BNIP5: variants seen among roughly 807,000 people sequenced by gnomAD.
BNIP5 encodes protein BNIP5.
A neutral mutation model predicts 67.3 loss-of-function variants in BNIP5; 61 were observed. That is an observed-to-expected ratio of 0.91 (90% CI 0.74 to 1.12). The LOEUF (loss-of-function observed/expected upper bound fraction) is 1.12. Ranked by LOEUF, BNIP5 falls within the 50% of genes most tolerant of loss-of-function variation. BNIP5 has a pLI of 0.00. For missense variants in BNIP5, 826 were observed against 816.3 expected, an observed-to-expected ratio of 1.01 and a Z score of -0.14; for synonymous variants, 317 against 319.0, an observed-to-expected ratio of 0.99 and a Z score of 0.07.
intron 9 of BNIP5, 139 bp downstream of exon 9, chr6:36,322,172 C>T (rs144675082): frequency 6.5e-6 from 7 of 1,082,546 alleles, no homozygotes; most frequent in African/African-American, 4.6e-5. Context: ...CCCCCTGCCC[C>T]ATCCTAGAGT....
intron 11 of BNIP5, among the ~76,000 whole-genome samples, chr6:36,317,633 T>C (rs1455516265): frequency 6.6e-6 from 1 of 152,188 alleles, no homozygotes; most frequent in Non-Finnish European, 1.5e-5. Context: ...AGGACCTACT[T>C]GCTTCATGGG....
In BNIP5 at chr6:36,319,551, G is replaced by A. The variant is rs1371438878; in HGVS notation, c.1728C>T (p.Ser576=). Residue 576 remains serine, a synonymous_variant, in exon 11 of 12, where the codon AGC becomes AGT. Coordinates refer to ENST00000437635, the MANE Select transcript of BNIP5 (RefSeq NM_001010903.5). ...FFYEFSDSSL[S]KLVATLRSQV... ...GGCTGCGCAGGGTGGCTACCAGCTT[G>A]CTGAGGGAGGAGTCCGAGAACTCGT... 1 of 1,614,156 alleles carries A rather than the reference G, an allele frequency of 6.2e-7. No homozygotes were observed. Among genetic ancestry groups the A allele is most frequent in the Non-Finnish European group, 8.5e-7 (1 of 1,180,008 alleles).
Position 36,316,730 on chromosome 6 carries a change from C to T in BNIP5, c.*626G>A, listed in dbSNP as rs560980333. The T allele has an allele frequency of 2.0e-5, 8 of 398,768 alleles. No individual in the cohort carries two copies. Among genetic ancestry groups the T allele is most frequent in the Non-Finnish European group, 3.5e-5 (8 of 226,192 alleles). The allele number at this position is 398,768 out of a possible 1,614,324, so 24.7% of individuals were successfully genotyped here. A position where few individuals can be genotyped will look rare whatever the true frequency, so the allele number is the denominator to read the frequency against. The stretch of plus-strand genomic sequence containing the variant: ...TGGGAGAGGTGCAAGGTATCAGCTC[C>T]ATTTCTCTAGTCATAGAATGACAGG... On this transcript the variant is annotated 3_prime_UTR_variant, in exon 12 of 12. Transcript: ENST00000437635.
rs757846264 is a variant in BNIP5, at chr6:36,330,307, A to G, written c.384T>C (p.Gly128=). Residue 128 remains glycine (G), a synonymous_variant, in exon 2 of 12, where the codon GGT becomes GGC. Transcript: ENST00000437635. ...KASRRPRGKE[G]ISQHPEPLEA... ...CCAGGGGCTCCGGATGCTGGGAGATACCCTCCTTCCCCCTTGGCCTCCTGC... is the reference window on the plus strand; with the variant it reads ...CCAGGGGCTCCGGATGCTGGGAGATGCCCTCCTTCCCCCTTGGCCTCCTGC... 3 of 1,613,230 alleles carry G rather than the reference A, an allele frequency of 1.9e-6. No homozygotes were observed. Among genetic ancestry groups the G allele is most frequent in the Admixed American group, 3.3e-5 (2 of 59,956 alleles).
intron 1 of BNIP5, among the ~76,000 whole-genome samples, chr6:36,335,501 T>G (rs1459724929): frequency 1.3e-5 from 2 of 152,072 alleles, no homozygotes; most frequent in Non-Finnish European, 2.9e-5. Flanking sequence ...CTGTCCCAAG[T>G]GTAAGGGAAT....
At chr6:36,328,517 T>A (rs1771812649) in intron 3 of BNIP5, 81 bp downstream of exon 3, 3 of 859,638 alleles carry the variant, frequency 3.5e-6, no homozygotes. Flanking sequence ...AAGGTCTCAG[T>A]AATCATTCAG....
Position 36,316,421 on chromosome 6 carries a change from T to C in BNIP5, c.*935A>G, listed in dbSNP as rs137887847. 627 of 398,048 alleles carry C rather than the reference T, an allele frequency of 1.6e-3. 1 individual carries two copies. Among genetic ancestry groups the C allele is most frequent in the Non-Finnish European group, 1.9e-3 (432 of 226,052 alleles). 24.7% of individuals were successfully genotyped at this position (398,048 alleles called of 1,614,324 possible). Reference sequence around the variant, plus strand: ...TTCACCTTTGTGCAAATACAAAAAATAGCCCTTTTCTCAAGACATGTTACT... The same window carrying C: ...TTCACCTTTGTGCAAATACAAAAAACAGCCCTTTTCTCAAGACATGTTACT... On this transcript the variant is annotated 3_prime_UTR_variant, in exon 12 of 12. Transcript: ENST00000437635.
In BNIP5 at chr6:36,321,145, T is replaced by C. The variant is rs1582123069; in HGVS notation, c.1668+10A>G. 3 of 1,574,846 alleles carry C rather than the reference T, an allele frequency of 1.9e-6. No homozygotes were observed. In the East Asian group the frequency reaches 7.0e-5, roughly 36 times the overall value. On this transcript the variant is annotated intron_variant, in intron 10 of 11. Transcript: ENST00000437635. ...TGGGGTTGGCCTGGGGAGGGCTGAG[T>C]GGTACTCACCTGCTGCCCCAGTTGG... is the stretch of plus-strand genomic sequence containing the variant.
intron 1 of BNIP5, among the ~76,000 whole-genome samples, chr6:36,333,428 C>T (rs73406941): frequency 0.022 from 3,317 of 152,298 alleles, 95 homozygotes; most frequent in African/African-American, 0.065. Flanking sequence ...CTGAAAGGCT[C>T]AGAGACTGGC....
chr6:36,321,310 T>A (rs1363758455), intron 9 of BNIP5, 91 bp from the exon 10 acceptor site: 1 of 865,918 alleles, frequency 1.2e-6, no homozygotes, highest in Non-Finnish European at 1.9e-6. Flanking sequence ...TACATCCACC[T>A]GTGAAAGACA....
At chr6:36,330,959 T>C (rs889818172) in intron 1 of BNIP5, among the ~76,000 whole-genome samples, 1 of 152,150 alleles carries the variant, frequency 6.6e-6, no homozygotes, top group African/African-American at 2.4e-5. Context: ...AGATGGGGTT[T>C]CACCGTGTTG....
At chr6:36,323,185 A>G in intron 8 of BNIP5, 108 bp downstream of exon 8, 2 of 1,446,776 alleles carry the variant, frequency 1.4e-6, no homozygotes, top group Non-Finnish European at 1.9e-6. Flanking sequence ...GGCTTTCAGC[A>G]ACAGTGGACA....
At position 36,330,691 on chromosome 6, in the gene BNIP5, C is replaced by A; in HGVS notation, c.-1G>T. ...TCCTTGGGCACCTTGGATTCTCCAT[C>A]GGGCTGCAACCAAAACACACAGCTC... On this transcript the variant is annotated 5_prime_UTR_variant, in exon 2 of 12. Transcript: ENST00000437635. 1 of 1,552,398 alleles carries A rather than the reference C, an allele frequency of 6.4e-7. No homozygotes were observed. The highest frequency in any genetic ancestry group is 2.0e-5 in the Admixed American group (1 of 49,416).
intron 3 of BNIP5, among the ~76,000 whole-genome samples, chr6:36,327,840 T>TC (rs1771799342): frequency 6.6e-6 from 1 of 150,384 alleles, no homozygotes; most frequent in African/African-American, 2.4e-5. Flanking sequence ...GGGTTTGCTT[T>TC]TTTTTTTTTT....
chr6:36,331,910 GC>G (rs1188003191), intron 1 of BNIP5, among the ~76,000 whole-genome samples: 1 of 151,940 alleles, frequency 6.6e-6, no homozygotes, highest in Non-Finnish European at 1.5e-5. Context: ...CACCCTGACG[GC>G]CCCCTGTGGT....
chr6:36,317,189 G>C lies in BNIP5; in HGVS notation c.*167C>G. On this transcript the variant is annotated 3_prime_UTR_variant, in exon 12 of 12. Coordinates refer to ENST00000437635, the MANE Select transcript of BNIP5 (RefSeq NM_001010903.5). ...GTCTTGCCTTGTGGAAGAATGCTCT[G>C]TGCTTCTCAGATACTAGGGTATGGA... 1 of 674,216 alleles carries C rather than the reference G, an allele frequency of 1.5e-6. No homozygotes were observed. Among genetic ancestry groups the C allele is most frequent in the Admixed American group, 2.2e-5 (1 of 45,310 alleles). 41.8% of individuals were successfully genotyped at this position (674,216 alleles called of 1,614,324 possible). A position where few individuals can be genotyped will look rare whatever the true frequency, so the allele number is the denominator to read the frequency against.
intron 3 of BNIP5, among the ~76,000 whole-genome samples, chr6:36,328,237 G>T (rs1225461091): frequency 6.6e-6 from 1 of 152,306 alleles, no homozygotes; most frequent in East Asian, 1.9e-4. Flanking sequence ...ACAACTATAA[G>T]TATACAAGTT....
At chr6:36,324,999 A>AC (rs1193643608) in intron 6 of BNIP5, among the ~76,000 whole-genome samples, 1 of 152,076 alleles carries the variant, frequency 6.6e-6, no homozygotes, top group Admixed American at 6.6e-5. Flanking sequence ...CCATAAGATC[A>AC]CCCCATTGGC....
chr6:36,329,525 A>G (rs904949226), intron 2 of BNIP5, among the ~76,000 whole-genome samples: 2 of 152,104 alleles, frequency 1.3e-5, no homozygotes, highest in African/African-American at 4.8e-5. Flanking sequence ...GAAATGTCAC[A>G]GTGGGCCGGG....
Sources: gnomAD v4.1 joint callset for allele counts (sites outside exome capture counted in the v4.1 genomes callset) on GRCh38, gnomAD v4.1.1 for gene constraint, MANE v1.5 for transcripts, NCBI Gene and HGNC (gene_info 2026-07-23, HGNC 2026-07-21) for gene names.